The following ANO2 variants were observed in gnomAD, a reference collection of about 807,000 sequenced individuals.
The protein encoded by ANO2 is anoctamin-2.
ANO2 carries 101 observed loss-of-function variants against 124.2 expected under a neutral mutation model. That is an observed-to-expected ratio of 0.81 (90% CI 0.69 to 0.96). The LOEUF (loss-of-function observed/expected upper bound fraction) is 0.96. ANO2 is among the 40% of genes least tolerant of loss of function. The probability of loss-of-function intolerance (pLI) is 0.00; values close to 1 mark genes in which losing one functional copy is unlikely to be tolerated. For missense variants in ANO2, 1,293 were observed against 1,274.5 expected (o/e 1.01, Z -0.22); for synonymous variants, 486 against 482.5 (o/e 1.01, Z -0.09).
chr12:5,784,372 C>A (rs771172276), intron 10 of ANO2, among the ~76,000 whole-genome samples: 2 of 152,182 alleles, frequency 1.3e-5, no homozygotes, highest in Non-Finnish European at 2.9e-5. Context: ...TGACTATAAG[C>A]TCCTTGAGGG....
rs78036386 is a variant in ANO2, at chr12:5,748,845, C to T, written c.1190+1991G>A. ...CCTCGGCCTCCCTCCCTCCCCTCTC[C>T]CCCTTCCTTTTTCCCTTCACCCTCC... On this transcript the variant is annotated intron_variant, in intron 11 of 24. Coordinates refer to ENST00000682330, the MANE Select transcript of ANO2 (RefSeq NM_001364791.2). Among the ~76,000 whole-genome samples, 661 of 147,114 alleles carry T rather than the reference C, an allele frequency of 4.5e-3. 1 individual carries two copies. Among genetic ancestry groups the T allele is most frequent in the Non-Finnish European group, 7.0e-3 (468 of 67,058 alleles).
At chr12:5,675,473 T>A (rs3782616) in intron 14 of ANO2, among the ~76,000 whole-genome samples, 4,836 of 152,292 alleles carry the variant, frequency 0.032, 118 homozygotes, top group East Asian at 0.11. Flanking sequence ...TGGCTTCTTT[T>A]GGGGGAAAGG....
Position 5,769,989 on chromosome 12 carries a change from G to T in ANO2, c.1056-19019C>A, listed in dbSNP as rs1952023488. Among the ~76,000 whole-genome samples, 1 of 152,196 alleles carries T rather than the reference G, an allele frequency of 6.6e-6. No individual in the cohort carries two copies. Among genetic ancestry groups the T allele is most frequent in the Admixed American group, 6.5e-5 (1 of 15,286 alleles). ...CCTGTGTGGCAGCCCGAGAAGGAGA[G>T]ATACTGTCTACATTTAATAGATGAG... On this transcript the variant is annotated intron_variant, in intron 10 of 24. Coordinates refer to ENST00000682330, the MANE Select transcript of ANO2 (RefSeq NM_001364791.2). This position sits in a 1 kb window ranked among gnomAD's most constrained non-coding sequence, Gnocchi z 4.0.
intron 13 of ANO2, among the ~76,000 whole-genome samples, chr12:5,738,449 G>T (rs538193772): frequency 6.6e-6 from 1 of 150,546 alleles, no homozygotes; most frequent in Admixed American, 6.6e-5. Context: ...CCTTCTAGAC[G>T]GCCCTCAGCC....
At chr12:5,896,248 G>A (rs563778256) in intron 3 of ANO2, among the ~76,000 whole-genome samples, 3 of 151,984 alleles carry the variant, frequency 2.0e-5, no homozygotes, top group African/African-American at 4.8e-5. Flanking sequence ...AAAACCACCT[G>A]TACCACCAAA....
At chr12:5,712,988 G>A (rs2137041831) in intron 14 of ANO2, among the ~76,000 whole-genome samples, 1 of 152,310 alleles carries the variant, frequency 6.6e-6, no homozygotes, top group South Asian at 2.1e-4. Context: ...AAACTCTGGA[G>A]AGCATGAGAG....
intron 4 of ANO2, among the ~76,000 whole-genome samples, chr12:5,851,559 C>A (rs1282590588): frequency 6.6e-6 from 1 of 151,926 alleles, no homozygotes; most frequent in African/African-American, 2.4e-5. Flanking sequence ...GTGATGAGCA[C>A]CTGTAATCCC....
Position 5,832,616 on chromosome 12 carries a change from G to T in ANO2, c.634-13C>A. On this transcript the variant is annotated splice_polypyrimidine_tract_variant and intron_variant, in intron 4 of 24. Coordinates refer to ENST00000682330, the MANE Select transcript of ANO2 (RefSeq NM_001364791.2). ...TGATCTCGTACATCTATGAAAGGAA[G>T]AGCCACAGGTCTGAAAAGGGGGCCA... is the stretch of plus-strand genomic sequence containing the variant. 1.2e-6 allele frequency: 2 copies of T among 1,606,656 alleles called. No individual in the cohort carries two copies. Among genetic ancestry groups the T allele is most frequent in the South Asian group, 1.1e-5 (1 of 90,294 alleles).
intron 10 of ANO2, among the ~76,000 whole-genome samples, chr12:5,778,046 C>A (rs1266088007): frequency 6.6e-6 from 1 of 152,132 alleles, no homozygotes; most frequent in Admixed American, 6.5e-5. Flanking sequence ...ATTTAGACAT[C>A]AAAAGGAATG....
intron 19 of ANO2, among the ~76,000 whole-genome samples, chr12:5,601,292 A>T (rs1943925898): frequency 6.6e-6 from 1 of 152,220 alleles, no homozygotes; most frequent in Admixed American, 6.5e-5. Context: ...AGATAAATAA[A>T]GATAGACAAA....
At chr12:5,605,140 C>T (rs374804282) in intron 19 of ANO2, among the ~76,000 whole-genome samples, 5 of 152,050 alleles carry the variant, frequency 3.3e-5, no homozygotes, top group East Asian at 3.9e-4. Context: ...GAAGGCAGAA[C>T]CTAGCCCTAA....
At chr12:5,657,235 C>T (rs943058164) in intron 14 of ANO2, among the ~76,000 whole-genome samples, 3 of 152,088 alleles carry the variant, frequency 2.0e-5, no homozygotes, top group African/African-American at 7.2e-5. Flanking sequence ...AGGCTAAAGC[C>T]CAGGTTCAAC....
chr12:5,923,676 T>C (rs1941945516), intron 1 of ANO2, among the ~76,000 whole-genome samples: 1 of 152,144 alleles, frequency 6.6e-6, no homozygotes, highest in Non-Finnish European at 1.5e-5. Flanking sequence ...GTGTCTCCCC[T>C]GAAGGGAAAA....
chr12:5,691,327 CAAAAA>C (rs60573302), intron 14 of ANO2, among the ~76,000 whole-genome samples: 16 of 86,978 alleles, frequency 1.8e-4, no homozygotes, highest in East Asian at 5.6e-4. Context: ...GACTCCATCT[CAAAAA>C]AAAAAAAAAA....
intron 19 of ANO2, among the ~76,000 whole-genome samples, chr12:5,604,597 A>G (rs1233945052): frequency 6.6e-6 from 1 of 152,194 alleles, no homozygotes; most frequent in Non-Finnish European, 1.5e-5. Flanking sequence ...AGGCAAGGGA[A>G]GACACAGGGG....
At chr12:5,821,576 C>A (rs1280412268) in intron 7 of ANO2, among the ~76,000 whole-genome samples, 1 of 152,232 alleles carries the variant, frequency 6.6e-6, no homozygotes, top group African/African-American at 2.4e-5. Flanking sequence ...TTTGGAGCCT[C>A]TGGCAAGTGA....
chr12:5,892,609 G>T (rs1238544337), intron 3 of ANO2, among the ~76,000 whole-genome samples: 4 of 152,194 alleles, frequency 2.6e-5, no homozygotes. Flanking sequence ...AGCCATGAAG[G>T]TCAGAAGGTA....
At chr12:5,755,382 ATTTAT>A (rs1033790476) in intron 10 of ANO2, among the ~76,000 whole-genome samples, 176 of 147,536 alleles carry the variant, frequency 1.2e-3, no homozygotes, top group African/African-American at 2.7e-3. Flanking sequence ...ATTTATTTTT[ATTTAT>A]TTTATTTATT....
intron 3 of ANO2, among the ~76,000 whole-genome samples, chr12:5,877,208 T>C (rs543388377): frequency 1.3e-5 from 2 of 151,714 alleles, no homozygotes; most frequent in South Asian, 4.2e-4. Context: ...TCCTTATAAG[T>C]AGAGGAAAGG....
Sources: allele counts gnomAD v4.1 joint callset (sites outside exome capture counted in the v4.1 genomes callset), GRCh38; gene constraint gnomAD v4.1.1; non-coding constraint Gnocchi (gnomAD v3.1); transcripts MANE v1.5; gene names NCBI Gene and HGNC (gene_info 2026-07-23, HGNC 2026-07-21).